NKAIN3: variants seen among roughly 807,000 people sequenced by gnomAD.
The protein encoded by NKAIN3 is sodium/potassium-transporting ATPase subunit beta-1-interacting protein 3.
A neutral mutation model predicts 30.2 loss-of-function variants in NKAIN3; 25 were observed. The ratio of observed to expected loss-of-function variants is 0.83; its 90% confidence interval spans 0.60 to 1.16. The LOEUF (loss-of-function observed/expected upper bound fraction) is 1.16. Among genes scored for constraint, NKAIN3 ranks in the 50% most tolerant of loss-of-function variants. The probability of loss-of-function intolerance (pLI) is 0.00; values close to 1 mark genes in which losing one functional copy is unlikely to be tolerated. For synonymous variants in NKAIN3, 91 were observed against 89.6 expected (o/e 1.02, Z -0.09); for missense variants, 225 against 254.1 (o/e 0.89, Z 0.78).
intron 3 of NKAIN3, among the ~76,000 whole-genome samples, chr8:62,735,605 A>G (rs1815636600): frequency 6.6e-6 from 1 of 152,150 alleles, no homozygotes; most frequent in South Asian, 2.1e-4. Context: ...TGCCTCGTTA[A>G]GTACCTTAAT....
At chr8:62,996,387 C>T (rs1416457346) in intron 5 of NKAIN3, among the ~76,000 whole-genome samples, 4 of 152,134 alleles carry the variant, frequency 2.6e-5, no homozygotes, top group Non-Finnish European at 5.9e-5. Context: ...TATCCAATCA[C>T]CTCCCATCGG....
chr8:62,664,552 C>A (rs1813039145), intron 3 of NKAIN3, among the ~76,000 whole-genome samples: 1 of 152,128 alleles, frequency 6.6e-6, no homozygotes. Context: ...ATTTTTGATA[C>A]ATTTTCCTTA....
At chr8:62,768,366 T>C (rs1007912555) in intron 4 of NKAIN3, among the ~76,000 whole-genome samples, 1 of 152,200 alleles carries the variant, frequency 6.6e-6, no homozygotes, top group Non-Finnish European at 1.5e-5. Flanking sequence ...GATACGCTAT[T>C]TGCATTGACA....
chr8:62,788,964 C>T (rs1382698843), intron 4 of NKAIN3, among the ~76,000 whole-genome samples: 2 of 152,068 alleles, frequency 1.3e-5, no homozygotes, highest in African/African-American at 2.4e-5. Flanking sequence ...AGTCAGGTAG[C>T]ATGATGCCTC....
intron 4 of NKAIN3, among the ~76,000 whole-genome samples, chr8:62,790,483 G>A (rs968395813): frequency 6.6e-6 from 1 of 151,898 alleles, no homozygotes; most frequent in African/African-American, 2.4e-5. Context: ...AATACAAAAT[G>A]TGTTTTTCTT....
intron 3 of NKAIN3, among the ~76,000 whole-genome samples, chr8:62,591,833 A>T (rs1177337039): frequency 6.6e-6 from 1 of 152,000 alleles, no homozygotes; most frequent in Non-Finnish European, 1.5e-5. Flanking sequence ...AGTCTATGGG[A>T]AATCTATTTT....
At chr8:62,653,175 A>C (rs138602543) in intron 3 of NKAIN3, among the ~76,000 whole-genome samples, 2 of 152,162 alleles carry the variant, frequency 1.3e-5, no homozygotes, top group Admixed American at 6.6e-5. Flanking sequence ...GTATTTTCCC[A>C]AAGGTCTGGA....
intron 3 of NKAIN3, among the ~76,000 whole-genome samples, chr8:62,646,098 G>T (rs1177877889): frequency 2.0e-5 from 3 of 148,728 alleles, no homozygotes; most frequent in Admixed American, 1.3e-4. Context: ...TATCATAGAT[G>T]CAATGGCCTA....
At chr8:62,274,295 A>T (rs556463074) in intron 1 of NKAIN3, among the ~76,000 whole-genome samples, 4 of 152,290 alleles carry the variant, frequency 2.6e-5, no homozygotes, top group African/African-American at 9.6e-5. Context: ...GAGACAGTTG[A>T]AGTCTTTTTT....
At chr8:62,848,072 G>T (rs775475681) in intron 4 of NKAIN3, among the ~76,000 whole-genome samples, 17 of 152,058 alleles carry the variant, frequency 1.1e-4, no homozygotes, top group Non-Finnish European at 2.4e-4. Flanking sequence ...TGCCATTTTG[G>T]TTACTGTAGC....
intron 3 of NKAIN3, among the ~76,000 whole-genome samples, chr8:62,746,166 C>T (rs1232485284): frequency 6.6e-6 from 1 of 152,200 alleles, no homozygotes; most frequent in Non-Finnish European, 1.5e-5. Flanking sequence ...CTGGCGTCTT[C>T]CCACTTTTGG....
intron 1 of NKAIN3, among the ~76,000 whole-genome samples, chr8:62,393,304 T>A (rs1051415593): frequency 6.6e-6 from 1 of 151,864 alleles, no homozygotes; most frequent in African/African-American, 2.4e-5. Context: ...AGGGTCAAAG[T>A]TTTTTTTCTA....
At chr8:62,355,091 G>A (rs927980319) in intron 1 of NKAIN3, among the ~76,000 whole-genome samples, 3 of 152,156 alleles carry the variant, frequency 2.0e-5, no homozygotes, top group African/African-American at 7.2e-5. Flanking sequence ...GCACTTCACT[G>A]TCAAGATGCA....
intron 1 of NKAIN3, among the ~76,000 whole-genome samples, chr8:62,538,933 A>G (rs1230900477): frequency 1.3e-5 from 2 of 152,306 alleles, no homozygotes; most frequent in East Asian, 3.9e-4. Context: ...TTTACTTTGT[A>G]TCATTTTACA....
At chr8:62,842,530 A>G (rs1156296693) in intron 4 of NKAIN3, among the ~76,000 whole-genome samples, 1 of 152,144 alleles carries the variant, frequency 6.6e-6, no homozygotes, top group East Asian at 1.9e-4. Context: ...CTGTGGAACC[A>G]CAATACACCC....
At chr8:62,359,371 G>T (rs1316000794) in intron 1 of NKAIN3, among the ~76,000 whole-genome samples, 2 of 152,196 alleles carry the variant, frequency 1.3e-5, no homozygotes, top group Non-Finnish European at 2.9e-5. Context: ...TTTGTTAACT[G>T]ATAAGGAGCT....
Position 62,894,337 on chromosome 8 carries a change from G to T in NKAIN3, c.472-24116G>T, listed in dbSNP as rs963262485. Among the ~76,000 whole-genome samples, 7 of 152,072 alleles carry T rather than the reference G, an allele frequency of 4.6e-5. No homozygotes were observed. The South Asian group carries it at 1.5e-3, about 32-fold the overall frequency. The stretch of plus-strand genomic sequence containing the variant: ...TAGTGAAAAGAAAATATCACTGAAA[G>T]GATTTGAAACTAGGAACTGAAAATT... On this transcript the variant is annotated intron_variant, in intron 4 of 6. Transcript: ENST00000623646.
At chr8:62,722,325 A>C (rs1461288113) in intron 3 of NKAIN3, among the ~76,000 whole-genome samples, 1 of 152,214 alleles carries the variant, frequency 6.6e-6, no homozygotes, top group Non-Finnish European at 1.5e-5. Flanking sequence ...TGAATTAAGT[A>C]GTGGCTTGGA....
chr8:62,338,927 C>G (rs1815652000), intron 1 of NKAIN3, among the ~76,000 whole-genome samples: 1 of 152,024 alleles, frequency 6.6e-6, no homozygotes. Context: ...GCAACACCCT[C>G]ATAGACACAC....
Sources: gnomAD v4.1 joint callset for allele counts (sites outside exome capture counted in the v4.1 genomes callset) on GRCh38, gnomAD v4.1.1 for gene constraint, MANE v1.5 for transcripts, NCBI Gene and HGNC (gene_info 2026-07-23, HGNC 2026-07-21) for gene names.